RPS19BP1: variants seen among roughly 807,000 people sequenced by gnomAD.
RPS19BP1 encodes ribosomal protein S19 binding protein 1.
Under a neutral mutation model 16.6 loss-of-function variants are expected in RPS19BP1, and 14 were observed. The observed-to-expected ratio is 0.84, with a 90% CI of 0.56 to 1.32. The LOEUF is 1.32. Among genes scored for constraint, RPS19BP1 ranks in the 40% most tolerant of loss-of-function variants. The probability of loss-of-function intolerance (pLI) is 0.00; values close to 1 mark genes in which losing one functional copy is unlikely to be tolerated. For missense variants in RPS19BP1, 188 were observed against 178.6 expected, an observed-to-expected ratio of 1.05 and a Z score of -0.30; for synonymous variants, 90 against 77.3, an observed-to-expected ratio of 1.16 and a Z score of -0.86.
Position 39,532,728 on chromosome 22 carries a change from G to A in RPS19BP1, c.11C>T (p.Ala4Val). Residue 4 changes from alanine to valine, a missense_variant, in exon 1 of 4, where the codon GCC (alanine) becomes GTC (valine). Physicochemically the swap from Ala to Val is moderately conservative, Grantham distance 64. Transcript: ENST00000334678. MSAALLRRGLELLA... is the reference protein window; with the variant it reads MSAVLLRRGLELLA... ...CAGCTCCAGGCCCCGCCGCAGCAGG[G>A]CGGCGGACATGGCGGCGCTTGGCTC... 1.9e-6 allele frequency: 3 copies of A among 1,544,232 alleles called. No homozygotes were observed. Among genetic ancestry groups the A allele is most frequent in the South Asian group, 1.2e-5 (1 of 84,618 alleles).
intron 1 of RPS19BP1, 64 bp from the exon 2 acceptor site, chr22:39,532,587 G>A (rs1482110919): frequency 1.2e-5 from 20 of 1,609,830 alleles, no homozygotes; most frequent in Non-Finnish European, 1.5e-5. Context: ...ATGCCACTGG[G>A]GCTAAGCCCG....
Position 39,529,422 on chromosome 22 carries a change from G to C in RPS19BP1, c.*70C>G, listed in dbSNP as rs1214520458. ...CATCTGCTGGCCGCGCGGCACGGCC[G>C]GTTCCTGGAGCCAGCAGGAGTCGGA... On this transcript the variant is annotated 3_prime_UTR_variant, in exon 4 of 4. Coordinates refer to ENST00000334678, the MANE Select transcript of RPS19BP1 (RefSeq NM_194326.4). The C allele has an allele frequency of 6.3e-7, 1 of 1,586,546 alleles. No homozygotes were observed. The highest frequency in any genetic ancestry group is 8.6e-7 in the Non-Finnish European group (1 of 1,167,030).
Position 39,529,833 on chromosome 22 carries a change from G to A in RPS19BP1, c.266C>T (p.Ser89Phe), listed in dbSNP as rs768979297. The A allele has an allele frequency of 4.3e-6, 7 of 1,614,098 alleles. No individual in the cohort carries two copies. The South Asian group carries it at 7.7e-5, about 18-fold the overall frequency. Residue 89 changes from serine (S) to phenylalanine (F), a missense_variant, in exon 3 of 4, where the codon TCT (serine) becomes TTT (phenylalanine). Coordinates refer to ENST00000334678, the MANE Select transcript of RPS19BP1 (RefSeq NM_194326.4). ...LTRTRSTVAE[S>F]VSQQILRQNR... is the part of the protein sequence containing the mutation. ...CCCTCGACCAACCTGCTGGCTCACA[G>A]ACTCAGCCACGGTGCTTCTCGTCCT...
rs1931239898 is a variant in RPS19BP1 at position 39,529,322 on chromosome 22, G to C, written c.*170C>G. On this transcript the variant is annotated 3_prime_UTR_variant, in exon 4 of 4. Transcript: ENST00000334678. ...TGTGTAAATCCTCCCCAGGACTTCC[G>C]GCCCACCAGCTCCATTCCAGCCTCC... The C allele has an allele frequency of 2.3e-6, 2 of 882,626 alleles. No individual in the cohort carries two copies. Among genetic ancestry groups the C allele is most frequent in the Admixed American group, 5.7e-5 (2 of 35,068 alleles). The allele number at this position is 882,626 out of a possible 1,614,324, so 54.7% of individuals were successfully genotyped here.
At chr22:39,532,654 C>T (rs776881576) in intron 1 of RPS19BP1, 33 bp downstream of exon 1, 10 of 1,568,796 alleles carry the variant, frequency 6.4e-6, no homozygotes, top group Non-Finnish European at 7.8e-6. Flanking sequence ...TCCTCCTGCC[C>T]GCGCCGGACG....
At chr22:39,531,702 TC>T (rs1343816552) in intron 2 of RPS19BP1, 1 of 152,330 alleles carries the variant, frequency 6.6e-6, no homozygotes. Context: ...ATAGCAGCAC[TC>T]TGGAGACACA....
rs1411439799 is a variant in RPS19BP1, at chr22:39,529,329, C to CA, written c.*162dup. On this transcript the variant is annotated 3_prime_UTR_variant, in exon 4 of 4. Transcript: ENST00000334678. Reference sequence around the variant, plus strand: ...ATCCTCCCCAGGACTTCCGGCCCACCAGCTCCATTCCAGCCTCCACTCGGC... The same window carrying CA: ...ATCCTCCCCAGGACTTCCGGCCCACCAAGCTCCATTCCAGCCTCCACTCGGC... 1.1e-5 allele frequency: 10 copies of CA among 941,098 alleles called. No homozygotes were observed. The highest frequency in any genetic ancestry group is 1.6e-5 in the Non-Finnish European group (10 of 638,560). The allele number at this position is 941,098 out of a possible 1,614,324, so 58.3% of individuals were successfully genotyped here.
chr22:39,530,022 G>C, intron 2 of RPS19BP1, 105 bp from the exon 3 acceptor site: 1 of 867,672 alleles, frequency 1.2e-6, no homozygotes, highest in Non-Finnish European at 1.9e-6. Context: ...TCCCTTCCCA[G>C]GTTATTACAG....
rs952155545 is a variant in RPS19BP1 at position 39,532,725 on chromosome 22, A to C, written c.14T>G (p.Leu5Arg). The C allele has an allele frequency of 1.4e-5, 21 of 1,544,214 alleles. No individual in the cohort carries two copies. Among genetic ancestry groups the C allele is most frequent in the Non-Finnish European group, 1.8e-5 (21 of 1,147,260 alleles). Residue 5 changes from leucine to arginine, a missense_variant, in exon 1 of 4, where the codon CTG becomes CGG. By Grantham distance (102) the Leu-to-Arg change is moderately radical. Transcript: ENST00000334678. Reference protein sequence around the residue: MSAALLRRGLELLAA... With the variant: MSAARLRRGLELLAA... ...CAGCAGCTCCAGGCCCCGCCGCAGC[A>C]GGGCGGCGGACATGGCGGCGCTTGG...
Position 39,532,424 on chromosome 22 carries a change from G to A in RPS19BP1, c.152C>T (p.Ala51Val). ...TGCCGACTTGGGCACCTTTCCCTTG[G>A]CCGAGTTCCGCAGTTTCTGGGCCTG... ...AIQAQKLRNSAKGKVPKSALD... is the reference protein window; with the variant it reads ...AIQAQKLRNSVKGKVPKSALD... Residue 51 changes from alanine (A) to valine (V), a missense_variant, in exon 2 of 4, where the codon GCC becomes GTC. Transcript: ENST00000334678. 1 of 1,614,228 alleles carries A rather than the reference G, an allele frequency of 6.2e-7. No individual in the cohort carries two copies. The highest frequency in any genetic ancestry group is 8.5e-7 in the Non-Finnish European group (1 of 1,180,046).
rs1569029609 is a variant in RPS19BP1 at position 39,529,495 on chromosome 22, G to A, written c.408C>T (p.Ser136=). 3 of 1,614,074 alleles carry A rather than the reference G, an allele frequency of 1.9e-6. No individual in the cohort carries two copies. The highest frequency in any genetic ancestry group is 1.3e-5 in the African/African-American group (1 of 74,950). Residue 136 remains serine, a synonymous_variant, in exon 4 of 4, where the codon AGC becomes AGT. Transcript: ENST00000334678. ...FQKFQQEYFG[S] ...TTCACCGTGCCCTCCAGGGAGCCTA[G>A]CTGCCGAAGTATTCCTGCTGGAACT... is the stretch of plus-strand genomic sequence containing the variant.
In RPS19BP1 at chr22:39,529,631, G is replaced by C; in HGVS notation, c.280-8C>G. On this transcript the variant is annotated splice_region_variant and splice_polypyrimidine_tract_variant and intron_variant, in intron 3 of 3. Transcript: ENST00000334678. ...CCGGTTCTGGCGCAAAATCTGGCGAGGGTGCGGGACCGAGGGCCCATCATT... is the reference window on the plus strand; with the variant it reads ...CCGGTTCTGGCGCAAAATCTGGCGACGGTGCGGGACCGAGGGCCCATCATT... The C allele has an allele frequency of 6.2e-7, 1 of 1,613,702 alleles. No individual in the cohort carries two copies. The highest frequency in any genetic ancestry group is 8.5e-7 in the Non-Finnish European group (1 of 1,179,996).
chr22:39,529,499 C>G lies in RPS19BP1; in HGVS notation c.404G>C (p.Gly135Ala), dbSNP rs779677159. Residue 135 changes from glycine (G) to alanine (A), a missense_variant, in exon 4 of 4, where the codon GGC becomes GCC. Gly to Ala is a moderately conservative substitution (Grantham distance 60). Transcript: ENST00000334678. ...DFQKFQQEYF[G>A]S ...CCGTGCCCTCCAGGGAGCCTAGCTGCCGAAGTATTCCTGCTGGAACTTCTG... is the reference window on the plus strand; with the variant it reads ...CCGTGCCCTCCAGGGAGCCTAGCTGGCGAAGTATTCCTGCTGGAACTTCTG... The G allele has an allele frequency of 3.7e-6, 6 of 1,614,186 alleles. No homozygotes were observed. The highest frequency in any genetic ancestry group is 5.1e-6 in the Non-Finnish European group (6 of 1,180,026).
Position 39,532,471 on chromosome 22 carries a change from C to T in RPS19BP1, c.105G>A (p.Arg35=), listed in dbSNP as rs1396413667. The T allele has an allele frequency of 6.2e-7, 1 of 1,614,220 alleles. No homozygotes were observed. The highest frequency in any genetic ancestry group is 1.1e-5 in the South Asian group (1 of 91,084). ...CCTGAATTGCCTTCGTCTTCCGGGG[C>T]CGTTTCACCGGAGCCCCTCTCGGCT... is the stretch of plus-strand genomic sequence containing the variant. ...QAKPRGAPVK[R]PRKTKAIQAQ... Residue 35 remains arginine, a synonymous_variant, in exon 2 of 4, where the codon CGG becomes CGA. Transcript: ENST00000334678.
Position 39,530,625 on chromosome 22 carries a change from T to C in RPS19BP1, c.182-708A>G, listed in dbSNP as rs530674941. ...CTGTAATCCCAGCTACTCGGGAGGC[T>C]GAGGCAGGAGCATCGTTTGAACTCG... On this transcript the variant is annotated intron_variant, in intron 2 of 3. Coordinates refer to ENST00000334678, the MANE Select transcript of RPS19BP1 (RefSeq NM_194326.4). The C allele has an allele frequency of 7.3e-4, 147 of 200,204 alleles. 1 individual carries two copies. Among genetic ancestry groups the C allele is most frequent in the South Asian group, 6.0e-3 (124 of 20,840 alleles). The allele number at this position is 200,204 out of a possible 1,614,324, so 12.4% of individuals were successfully genotyped here.
chr22:39,530,924 G>A (rs1028321), intron 2 of RPS19BP1: 45,429 of 151,874 alleles, frequency 0.3, 6,939 homozygotes, highest in Middle Eastern at 0.37. Flanking sequence ...GATTTTACAC[G>A]ATCACTTTGG....
chr22:39,532,188 C>T (rs1454967052), intron 2 of RPS19BP1: 2 of 608,216 alleles, frequency 3.3e-6, no homozygotes, highest in Non-Finnish European at 5.7e-6. Context: ...TTTGATGCTT[C>T]TCTCCCCACT....
In RPS19BP1 at chr22:39,529,571, G is replaced by T; in HGVS notation, c.332C>A (p.Thr111Asn). Residue 111 changes from threonine (T) to asparagine (N), a missense_variant, in exon 4 of 4, where the codon ACC (threonine) becomes AAC (asparagine). Physicochemically the swap from Thr to Asn is moderately conservative, Grantham distance 65. Transcript: ENST00000334678. ...GGTGCCCTCAGCCTTCTTCTTCTTG[G>T]TCTTGGCCACAGGCCGGTCACAGGC... is the stretch of plus-strand genomic sequence containing the variant. ...RKACDRPVAK[T>N]KKKKAEGTVF... The T allele has an allele frequency of 6.2e-7, 1 of 1,614,192 alleles. No individual in the cohort carries two copies. Among genetic ancestry groups the T allele is most frequent in the South Asian group, 1.1e-5 (1 of 91,084 alleles).
intron 2 of RPS19BP1, chr22:39,531,053 GGT>G (rs1246223327): frequency 1.3e-5 from 2 of 152,262 alleles, no homozygotes; most frequent in African/African-American, 4.8e-5. Flanking sequence ...CAGCTGCAGA[GGT>G]GTTCTTTCCA....
Sources: gnomAD v4.1 joint callset for allele counts on GRCh38, gnomAD v4.1.1 for gene constraint, MANE v1.5 for transcripts, NCBI Gene and HGNC (gene_info 2026-07-23, HGNC 2026-07-21) for gene names.